Variants in ALPK1 observed in about 807,000 individuals in gnomAD.
ALPK1 encodes the protein alpha-protein kinase 1.
In ALPK1, 110 loss-of-function variants were observed where a neutral mutation model predicts 120.6. That is an observed-to-expected ratio of 0.91 (90% CI 0.78 to 1.07). The LOEUF (loss-of-function observed/expected upper bound fraction) is 1.07. ALPK1 is among the 50% of genes least tolerant of loss of function. The pLI is 0.00. For missense variants in ALPK1, 1,498 were observed against 1,483.9 expected (o/e 1.01, Z -0.16); for synonymous variants, 582 against 560.3 (o/e 1.04, Z -0.55).
chr4:112,309,551 C>T (rs570197359), intron 1 of ALPK1, among the ~76,000 whole-genome samples: 76 of 152,164 alleles, frequency 5.0e-4, no homozygotes, highest in Non-Finnish European at 8.2e-4. Flanking sequence ...CCGAGCCAGG[C>T]GTGGGATATA....
rs566924506 is a variant in ALPK1, at chr4:112,430,805, C to G, written c.1258C>G (p.Gln420Glu). The change falls in exon 11 of 16, where the codon CAA (glutamine) becomes GAA (glutamate). Residue 420 changes from glutamine (Q) to glutamate (E), a missense_variant. Physicochemically the swap from Gln to Glu is conservative, Grantham distance 29. Transcript: ENST00000650871. Reference protein sequence around the residue: ...SVIAQVKEHLQVQSFSNVDDR... With the variant: ...SVIAQVKEHLEVQSFSNVDDR... ...GATTGCCCAGGTGAAGGAACATTTA[C>G]AAGTTCAAAGCTTCTCAAATGTAGA... 5 of 1,614,228 alleles carry G rather than the reference C, an allele frequency of 3.1e-6. No homozygotes were observed. In the African/African-American group the frequency reaches 4.0e-5, roughly 13 times the overall value.
At chr4:112,429,915 T>G (rs1274621237) in intron 10 of ALPK1, among the ~76,000 whole-genome samples, 2 of 151,610 alleles carry the variant, frequency 1.3e-5, no homozygotes, top group African/African-American at 4.8e-5. Context: ...TACACATTTC[T>G]GAGCTCCACC....
At chr4:112,440,786 G>A in intron 14 of ALPK1, 131 bp from the exon 15 acceptor site, 1 of 1,385,344 alleles carries the variant, frequency 7.2e-7, no homozygotes. Flanking sequence ...ACCACAGGAT[G>A]GCCAAGTTTT....
At chr4:112,391,795 T>G (rs532205548) in intron 4 of ALPK1, among the ~76,000 whole-genome samples, 57 of 152,364 alleles carry the variant, frequency 3.7e-4, no homozygotes, top group African/African-American at 1.3e-3. Context: ...AAGTGAGGAA[T>G]GATACATCTA....
chr4:112,359,400 G>A lies in ALPK1; in HGVS notation c.-100-18278G>A, dbSNP rs1287703054. On this transcript the variant is annotated intron_variant, in intron 2 of 15. Coordinates refer to ENST00000650871, the MANE Select transcript of ALPK1 (RefSeq NM_025144.4). ...GGCCCTACTGGCTGCCCTGACCACT[G>A]CGAAGCCTGAGAACATCCCCCTGCT... is the stretch of plus-strand genomic sequence containing the variant. 33 of 322,040 alleles carry A rather than the reference G, an allele frequency of 1.0e-4. No homozygotes were observed. The South Asian group carries it at 1.3e-3, about 13-fold the overall frequency. The allele number at this position is 322,040 out of a possible 1,614,324, so 19.9% of individuals were successfully genotyped here.
chr4:112,366,678 C>A (rs7349679), intron 2 of ALPK1, among the ~76,000 whole-genome samples: 54,954 of 151,822 alleles, frequency 0.36, 10,239 homozygotes, highest in East Asian at 0.61. Flanking sequence ...ACCATTTGAT[C>A]CAGCAATCCC....
At chr4:112,403,164 C>T (rs943306259) in intron 4 of ALPK1, among the ~76,000 whole-genome samples, 1 of 152,084 alleles carries the variant, frequency 6.6e-6, no homozygotes, top group Non-Finnish European at 1.5e-5. Context: ...CACAGTTTGG[C>T]CCTCTTTCAT....
intron 2 of ALPK1, among the ~76,000 whole-genome samples, chr4:112,338,996 A>T (rs1729746801): frequency 6.6e-6 from 1 of 152,220 alleles, no homozygotes; most frequent in Non-Finnish European, 1.5e-5. Context: ...TATGCTTGTG[A>T]AGAAAATGGC....
In ALPK1 at chr4:112,377,995, T is replaced by C. The variant is rs113033969; in HGVS notation, c.121+97T>C. ...GTTCTTATCTCTGCCCTATTTTTCT[T>C]CTCTTGGCAGATGACCACCGAGAGA... is the stretch of plus-strand genomic sequence containing the variant. On this transcript the variant is annotated intron_variant, in intron 3 of 15. Transcript: ENST00000650871. 9.4e-4 allele frequency: 1,261 copies of C among 1,341,314 alleles called. 12 individuals carry two copies. In the African/African-American group the frequency reaches 0.016, roughly 17 times the overall value. 83.1% of individuals were successfully genotyped at this position (1,341,314 alleles called of 1,614,324 possible). A position where few individuals can be genotyped will look rare whatever the true frequency, so the allele number is the denominator to read the frequency against.
At chr4:112,404,056 T>C (rs1489145121) in intron 4 of ALPK1, among the ~76,000 whole-genome samples, 1 of 152,218 alleles carries the variant, frequency 6.6e-6, no homozygotes, top group Admixed American at 6.5e-5. Flanking sequence ...CCTCACCAAG[T>C]GCCACAGAGC....
At chr4:112,340,031 A>C (rs900516006) in intron 2 of ALPK1, among the ~76,000 whole-genome samples, 2 of 152,206 alleles carry the variant, frequency 1.3e-5, no homozygotes, top group African/African-American at 4.8e-5. Context: ...GCCTCCTTGT[A>C]ATTCTCCCTG....
intron 4 of ALPK1, among the ~76,000 whole-genome samples, chr4:112,393,113 T>C (rs1732495949): frequency 6.6e-6 from 1 of 152,212 alleles, no homozygotes; most frequent in South Asian, 2.1e-4. Flanking sequence ...AATAAGGAAT[T>C]GCACACTGGG....
chr4:112,406,264 G>A (rs1464209998), intron 4 of ALPK1, among the ~76,000 whole-genome samples: 1 of 152,152 alleles, frequency 6.6e-6, no homozygotes, highest in African/African-American at 2.4e-5. Context: ...TAAACAAAAT[G>A]TGGTATATAC....
At chr4:112,412,080 C>G (rs1333970914) in intron 5 of ALPK1, 55 bp downstream of exon 5, 1 of 1,599,448 alleles carries the variant, frequency 6.3e-7, no homozygotes, top group East Asian at 2.2e-5. Flanking sequence ...TGGTCCCCTT[C>G]CCTCCCGAGC....
intron 4 of ALPK1, among the ~76,000 whole-genome samples, chr4:112,391,769 G>A (rs1415290329): frequency 1.3e-5 from 2 of 152,204 alleles, no homozygotes; most frequent in East Asian, 3.8e-4. Context: ...CTTGATTTCA[G>A]ACTTCCAGCC....
intron 5 of ALPK1, among the ~76,000 whole-genome samples, chr4:112,418,467 C>T (rs915761171): frequency 6.6e-6 from 1 of 152,208 alleles, no homozygotes; most frequent in South Asian, 2.1e-4. Context: ...CTACAGAAGT[C>T]ACCTATGTTG....
intron 4 of ALPK1, among the ~76,000 whole-genome samples, chr4:112,404,204 C>T (rs1325666710): frequency 2.6e-5 from 4 of 152,210 alleles, no homozygotes; most frequent in African/African-American, 7.2e-5. Context: ...ATGCATGACC[C>T]ATTATTTCTG....
chr4:112,420,657 A>G (rs1291786667), intron 5 of ALPK1, among the ~76,000 whole-genome samples: 2 of 152,224 alleles, frequency 1.3e-5, no homozygotes, highest in Non-Finnish European at 1.5e-5. Context: ...CACGGTTCAT[A>G]TTAATCTAAA....
In ALPK1 at chr4:112,377,816, G is replaced by A; in HGVS notation, c.39G>A (p.Glu13=). The A allele has an allele frequency of 6.2e-7, 1 of 1,613,572 alleles. No homozygotes were observed. Among genetic ancestry groups the A allele is most frequent in the Non-Finnish European group, 8.5e-7 (1 of 1,179,704 alleles). The change falls in exon 3 of 16, where the codon GAG becomes GAA. Residue 13 remains glutamate (E), a synonymous_variant. Transcript: ENST00000650871. ...AAGTGGTAGCTGTGCTACTGCAAGA[G>A]TGCAAGCAAGTGCTGGATCAGCTCT... The part of the protein sequence containing the change: ...NQKVVAVLLQ[E]CKQVLDQLLL...
Sources: gnomAD v4.1 joint callset for allele counts (sites outside exome capture counted in the v4.1 genomes callset) on GRCh38, gnomAD v4.1.1 for gene constraint, MANE v1.5 for transcripts, NCBI Gene and HGNC (gene_info 2026-07-23, HGNC 2026-07-21) for gene names.